Variants in ARHGAP15 observed in about 807,000 individuals in gnomAD.
The protein encoded by ARHGAP15 is Rho GTPase activating protein 15.
ARHGAP15 carries 51 observed loss-of-function variants against 63.7 expected under a neutral mutation model. The observed-to-expected ratio is 0.80, with a 90% confidence interval of 0.64 to 1.01. ARHGAP15 has a LOEUF of 1.01. ARHGAP15 is among the 50% of genes least tolerant of loss of function. The probability of loss-of-function intolerance (pLI) is 0.00; values close to 1 mark genes in which losing one functional copy is unlikely to be tolerated. For synonymous variants in ARHGAP15, 191 were observed against 193.8 expected, an observed-to-expected ratio of 0.99 and a Z score of 0.12; for missense variants, 560 against 564.6, an observed-to-expected ratio of 0.99 and a Z score of 0.08.
At chr2:143,414,282 T>C (rs904956624) in intron 6 of ARHGAP15, among the ~76,000 whole-genome samples, 1 of 151,744 alleles carries the variant, frequency 6.6e-6, no homozygotes, top group Non-Finnish European at 1.5e-5. Flanking sequence ...TGAAAAGCTG[T>C]TCCCTTAAAA....
At chr2:143,747,084 G>A (rs1039944508) in intron 13 of ARHGAP15, among the ~76,000 whole-genome samples, 3 of 151,984 alleles carry the variant, frequency 2.0e-5, no homozygotes, top group African/African-American at 7.3e-5. Flanking sequence ...CTGTCAGGGG[G>A]TGGGGAGAAA....
intron 6 of ARHGAP15, among the ~76,000 whole-genome samples, chr2:143,345,258 C>A (rs1295044316): frequency 6.8e-6 from 1 of 147,990 alleles, no homozygotes; most frequent in African/African-American, 2.5e-5. Context: ...AATCAAAGAG[C>A]TACAATTAGC....
chr2:143,301,220 G>C (rs2381460), intron 6 of ARHGAP15, among the ~76,000 whole-genome samples: 6,943 of 151,812 alleles, frequency 0.046, 456 homozygotes, highest in Admixed American at 0.2. Flanking sequence ...CTATTTACTT[G>C]TTAAATCTTA....
At chr2:143,166,781 T>G (rs188425608) in intron 2 of ARHGAP15, among the ~76,000 whole-genome samples, 2 of 152,256 alleles carry the variant, frequency 1.3e-5, no homozygotes, top group Admixed American at 1.3e-4. Context: ...TCCACCTGAT[T>G]TTAACCTACT....
chr2:143,481,073 G>A (rs1013591702), intron 8 of ARHGAP15, among the ~76,000 whole-genome samples: 1 of 151,958 alleles, frequency 6.6e-6, no homozygotes, highest in Non-Finnish European at 1.5e-5. Flanking sequence ...GAACCTCTGG[G>A]GATTAAGAGC....
intron 8 of ARHGAP15, among the ~76,000 whole-genome samples, chr2:143,444,446 A>C (rs1185339430): frequency 6.6e-6 from 1 of 152,230 alleles, no homozygotes; most frequent in Non-Finnish European, 1.5e-5. Context: ...TCTTTGCTAA[A>C]GCTGACATTT....
At chr2:143,211,645 G>T (rs1050096416) in intron 3 of ARHGAP15, among the ~76,000 whole-genome samples, 2 of 152,094 alleles carry the variant, frequency 1.3e-5, no homozygotes, top group African/African-American at 2.4e-5. Context: ...CACACAGAAG[G>T]TTTCATAGGG....
intron 6 of ARHGAP15, among the ~76,000 whole-genome samples, chr2:143,330,094 C>CAAAAA (rs1303438123): frequency 5.9e-4 from 1 of 1,682 alleles, no homozygotes; most frequent in Non-Finnish European, 1.4e-3. Context: ...GGCTCTGTCT[C>CAAAAA]AAAAAAAAAA....
intron 5 of ARHGAP15, among the ~76,000 whole-genome samples, chr2:143,242,363 A>G (rs977520019): frequency 3.9e-5 from 6 of 152,250 alleles, no homozygotes; most frequent in African/African-American, 1.4e-4. Flanking sequence ...CTGAGGAGGC[A>G]CCTGAGACAT....
chr2:143,511,068 T>C (rs940073582), intron 9 of ARHGAP15, among the ~76,000 whole-genome samples: 4 of 152,222 alleles, frequency 2.6e-5, no homozygotes, highest in Non-Finnish European at 5.9e-5. Flanking sequence ...AAAAAACTTA[T>C]AGCAGTGATG....
chr2:143,453,626 T>C (rs1042915383), intron 8 of ARHGAP15, among the ~76,000 whole-genome samples: 2 of 152,136 alleles, frequency 1.3e-5, no homozygotes. Flanking sequence ...AAAATGTCTT[T>C]GGACTTACAG....
chr2:143,455,289 G>GTTATAA (rs1690594382), intron 8 of ARHGAP15, among the ~76,000 whole-genome samples: 1 of 152,126 alleles, frequency 6.6e-6, no homozygotes, highest in South Asian at 2.1e-4. Context: ...CATTTAGCAT[G>GTTATAA]CTGATGCATT....
intron 8 of ARHGAP15, among the ~76,000 whole-genome samples, chr2:143,450,225 G>T (rs186951820): frequency 8.9e-5 from 13 of 146,050 alleles, no homozygotes; most frequent in African/African-American, 3.0e-4. Flanking sequence ...AAGACCCAAA[G>T]AATTTTTGCT....
intron 2 of ARHGAP15, among the ~76,000 whole-genome samples, chr2:143,195,352 T>G (rs1054123516): frequency 7.9e-5 from 12 of 152,158 alleles, no homozygotes; most frequent in Admixed American, 5.9e-4. Context: ...ACAGAAAAAT[T>G]GCATCTTTCT....
intron 11 of ARHGAP15, among the ~76,000 whole-genome samples, chr2:143,597,098 C>T (rs1697547915): frequency 6.6e-6 from 1 of 151,920 alleles, no homozygotes; most frequent in Non-Finnish European, 1.5e-5. Context: ...TCCTACCCCT[C>T]CCTCAAGCTT....
At chr2:143,623,813 T>C (rs1329161817) in intron 11 of ARHGAP15, among the ~76,000 whole-genome samples, 1 of 152,214 alleles carries the variant, frequency 6.6e-6, no homozygotes, top group Non-Finnish European at 1.5e-5. Context: ...CCAAATAGCT[T>C]TGAATCATGT....
chr2:143,679,055 C>G (rs1044456498), intron 12 of ARHGAP15, among the ~76,000 whole-genome samples: 1 of 152,052 alleles, frequency 6.6e-6, no homozygotes, highest in African/African-American at 2.4e-5. Flanking sequence ...AAAGTCTGAT[C>G]CAATATCTTT....
intron 6 of ARHGAP15, among the ~76,000 whole-genome samples, chr2:143,330,141 A>AAAAAAAAT (rs1684478728): frequency 7.0e-6 from 1 of 142,640 alleles, no homozygotes; most frequent in Non-Finnish European, 1.5e-5. Context: ...ACCAAAAACA[A>AAAAAAAAT]AAAACTAAAC....
chr2:143,149,116 T>A (rs999234677), intron 1 of ARHGAP15, among the ~76,000 whole-genome samples: 1 of 151,996 alleles, frequency 6.6e-6, no homozygotes, highest in Admixed American at 6.6e-5. Context: ...GGAGAAATAC[T>A]ATTTATCTGT....
Sources: gnomAD v4.1 joint callset for allele counts (sites outside exome capture counted in the v4.1 genomes callset) on GRCh38, gnomAD v4.1.1 for gene constraint, MANE v1.5 for transcripts, NCBI Gene and HGNC (gene_info 2026-07-23, HGNC 2026-07-21) for gene names.